Variants in PTPRA observed in about 807,000 individuals in gnomAD.
PTPRA encodes the protein receptor-type tyrosine-protein phosphatase alpha.
A neutral mutation model predicts 104.8 loss-of-function variants in PTPRA; 25 were observed. That is an observed-to-expected ratio of 0.24 (90% CI 0.17 to 0.33). PTPRA has a LOEUF of 0.33. Ranked by LOEUF, PTPRA falls within the 10% of genes least tolerant of loss-of-function variation. The probability of loss-of-function intolerance (pLI) is 1.00; values close to 1 mark genes in which losing one functional copy is unlikely to be tolerated. For missense variants in PTPRA, 765 were observed against 1,015.3 expected (o/e 0.75, Z 3.35); for synonymous variants, 323 against 368.9 (o/e 0.88, Z 1.43).
chr20:2,890,195 C>T lies in PTPRA; in HGVS notation c.-129+16435C>T, dbSNP rs560490620. On this transcript the variant is annotated intron_variant, in intron 1 of 23. Transcript: ENST00000399903. ...TACAGGCATAAGCCACCATGCCTGG[C>T]CTTTTCTTCAAAAATAACCCTTCAA... 1.7e-4 allele frequency among the ~76,000 whole-genome samples: 26 copies of T among 152,126 alleles called. 1 individual carries two copies. The highest frequency in any genetic ancestry group is 1.7e-3 in the Admixed American group (26 of 15,280).
In PTPRA at chr20:2,940,104, C is replaced by G. The variant is rs2060854203; in HGVS notation, c.-49-7878C>G. Among the ~76,000 whole-genome samples the G allele has an allele frequency of 2.0e-5, 3 of 152,282 alleles. No individual in the cohort carries two copies. The East Asian group carries it at 5.8e-4, about 29-fold the overall frequency. ...CAGCCTGGGCAAGAAGAGCAAAACT[C>G]CATCTCAAACAAAAACAAAAACAAA... On this transcript the variant is annotated intron_variant, in intron 2 of 23. Coordinates refer to ENST00000399903, the MANE Select transcript of PTPRA (RefSeq NM_001385305.1).
intron 20 of PTPRA, among the ~76,000 whole-genome samples, chr20:3,033,713 C>T (rs1266473305): frequency 6.6e-6 from 1 of 151,736 alleles, no homozygotes; most frequent in African/African-American, 2.4e-5. Context: ...ACCAGCCTGA[C>T]CAACATGGAG....
intron 1 of PTPRA, among the ~76,000 whole-genome samples, chr20:2,882,137 T>C (rs1476770560): frequency 2.6e-5 from 4 of 152,176 alleles, no homozygotes; most frequent in African/African-American, 9.7e-5. Context: ...CAAAATACTG[T>C]TGGAAGATGT....
At chr20:3,012,035 G>T (rs576001723) in intron 11 of PTPRA, among the ~76,000 whole-genome samples, 1 of 152,202 alleles carries the variant, frequency 6.6e-6, no homozygotes, top group Admixed American at 6.5e-5. Flanking sequence ...GCTAGGTCTC[G>T]TGGATTGCTG....
At chr20:2,877,999 A>G (rs2089829844) in intron 1 of PTPRA, among the ~76,000 whole-genome samples, 1 of 151,886 alleles carries the variant, frequency 6.6e-6, no homozygotes. Flanking sequence ...AAAAATACAA[A>G]AATTAGCTGG....
Position 2,986,629 on chromosome 20 carries a change from C to T in PTPRA, c.443-136C>T, listed in dbSNP as rs1040067952. 18 of 756,162 alleles carry T rather than the reference C, an allele frequency of 2.4e-5. No individual in the cohort carries two copies. The African/African-American group carries it at 2.9e-4, about 12-fold the overall frequency. The allele number at this position is 756,162 out of a possible 1,614,324, so 46.8% of individuals were successfully genotyped here. On this transcript the variant is annotated intron_variant, in intron 6 of 23. Coordinates refer to ENST00000399903, the MANE Select transcript of PTPRA (RefSeq NM_001385305.1). The stretch of plus-strand genomic sequence containing the variant: ...AGTGGGAGGTGCACACTCATACTTT[C>T]TTCTCTGTTTCCATTTCCTGGCATC...
intron 11 of PTPRA, among the ~76,000 whole-genome samples, chr20:3,014,814 G>T (rs1318609582): frequency 6.6e-6 from 1 of 152,164 alleles, no homozygotes; most frequent in Non-Finnish European, 1.5e-5. Context: ...AAGGAAATGG[G>T]TGATTCACAA....
chr20:2,990,750 A>G (rs915715876), intron 9 of PTPRA, among the ~76,000 whole-genome samples: 1 of 151,990 alleles, frequency 6.6e-6, no homozygotes. Flanking sequence ...TTTTTTTTAG[A>G]TATTCATGTG....
At chr20:2,914,644 A>G (rs2059835648) in intron 1 of PTPRA, among the ~76,000 whole-genome samples, 1 of 152,112 alleles carries the variant, frequency 6.6e-6, no homozygotes, top group Non-Finnish European at 1.5e-5. Flanking sequence ...GAATGTGCCC[A>G]GTCTTTCCTT....
intron 6 of PTPRA, 59 bp from the exon 7 acceptor site, chr20:2,986,706 T>A: frequency 6.9e-7 from 1 of 1,455,388 alleles, no homozygotes; most frequent in Non-Finnish European, 9.7e-7. Context: ...CCTGAATGGC[T>A]GACTTAAGCC....
intron 3 of PTPRA, among the ~76,000 whole-genome samples, chr20:2,963,868 G>A (rs946705217): frequency 6.6e-5 from 10 of 151,892 alleles, no homozygotes; most frequent in African/African-American, 1.5e-4. Context: ...GTGAGACGCC[G>A]TCTCTACAGA....
chr20:2,865,431 A>G, the PTPRA span: 28 of 1,614,166 alleles, frequency 1.7e-5, no homozygotes, highest in South Asian at 3.1e-4. The surrounding 1 kb of genome is among the most constrained non-coding windows in gnomAD (Gnocchi z 5.2). Flanking sequence ...GCCCTGGCAG[A>G]TTTGGAAGAT....
intron 14 of PTPRA, 137 bp downstream of exon 14, chr20:3,021,565 T>C: frequency 8.0e-7 from 1 of 1,257,644 alleles, no homozygotes; most frequent in Non-Finnish European, 1.1e-6. Context: ...ATATCCGGGC[T>C]CAGGGGAACT....
At chr20:2,886,408 G>A (rs144883659) in intron 1 of PTPRA, among the ~76,000 whole-genome samples, 172 of 152,236 alleles carry the variant, frequency 1.1e-3, no homozygotes, top group Non-Finnish European at 1.6e-3. Flanking sequence ...GATAATTATT[G>A]AAGCTGGATA....
At chr20:3,027,562 G>A (rs1048542146) in intron 19 of PTPRA, 145 bp from the exon 20 acceptor site, 1 of 1,087,280 alleles carries the variant, frequency 9.2e-7, no homozygotes, top group Non-Finnish European at 1.3e-6. Flanking sequence ...TTGTCAGATA[G>A]GGTTTCGTCC....
intron 6 of PTPRA, among the ~76,000 whole-genome samples, chr20:2,981,291 C>T (rs1280044804): frequency 1.3e-5 from 2 of 151,928 alleles, no homozygotes; most frequent in Non-Finnish European, 2.9e-5. Context: ...TGATACATAC[C>T]TAAGTAATTG....
chr20:2,984,141 A>G (rs1054805154), intron 6 of PTPRA, among the ~76,000 whole-genome samples: 3 of 152,146 alleles, frequency 2.0e-5, no homozygotes, highest in African/African-American at 7.2e-5. Flanking sequence ...GCCACATACC[A>G]CAGTATGTTT....
chr20:2,884,844 C>G (rs1235640648), intron 1 of PTPRA, among the ~76,000 whole-genome samples: 2 of 146,198 alleles, frequency 1.4e-5, no homozygotes, highest in Non-Finnish European at 3.0e-5. Context: ...GAGTCTCGCT[C>G]TGTCGCCCAG....
chr20:3,036,679 CTGA>C (rs1231803974), intron 22 of PTPRA, among the ~76,000 whole-genome samples: 3 of 152,344 alleles, frequency 2.0e-5, no homozygotes, highest in African/African-American at 7.2e-5. Context: ...AGTGAATCAG[CTGA>C]TGACATTGAA....
Sources: allele counts gnomAD v4.1 joint callset (sites outside exome capture counted in the v4.1 genomes callset), GRCh38; gene constraint gnomAD v4.1.1; non-coding constraint Gnocchi (gnomAD v3.1); transcripts MANE v1.5; gene names NCBI Gene and HGNC (gene_info 2026-07-23, HGNC 2026-07-21).